SGCZ: variants seen among roughly 807,000 people sequenced by gnomAD.
The protein encoded by SGCZ is sarcoglycan zeta.
A neutral mutation model predicts 41.3 loss-of-function variants in SGCZ; 40 were observed. The observed-to-expected ratio is 0.97, with a 90% CI of 0.75 to 1.26. The LOEUF (loss-of-function observed/expected upper bound fraction) is 1.26, where lower values mean the gene tolerates loss of function less well. Among genes scored for constraint, SGCZ ranks in the 50% most tolerant of loss-of-function variants. The probability of loss-of-function intolerance (pLI) is 0.00; values close to 1 mark genes in which losing one functional copy is unlikely to be tolerated. For missense variants in SGCZ, 552 were observed against 369.8 expected, an observed-to-expected ratio of 1.49 and a Z score of -4.04; for synonymous variants, 206 against 137.5, an observed-to-expected ratio of 1.50 and a Z score of -3.49.
chr8:14,905,496 C>G (rs1273730283), intron 1 of SGCZ, among the ~76,000 whole-genome samples: 1 of 151,970 alleles, frequency 6.6e-6, no homozygotes, highest in African/African-American at 2.4e-5. Context: ...CTTGGAGAGC[C>G]AATGTGGACC....
intron 1 of SGCZ, among the ~76,000 whole-genome samples, chr8:14,754,402 C>T (rs556585318): frequency 2.0e-5 from 3 of 152,092 alleles, no homozygotes; most frequent in Non-Finnish European, 4.4e-5. Flanking sequence ...TCTAACATGC[C>T]ATATAATAAG....
intron 4 of SGCZ, among the ~76,000 whole-genome samples, chr8:14,181,627 G>A (rs974710287): frequency 7.2e-5 from 11 of 152,200 alleles, no homozygotes; most frequent in African/African-American, 2.7e-4. Flanking sequence ...CCCCAATACT[G>A]TTCTCATGGT....
chr8:15,020,123 G>A (rs1803196371), intron 1 of SGCZ, among the ~76,000 whole-genome samples: 1 of 151,890 alleles, frequency 6.6e-6, no homozygotes, highest in African/African-American at 2.4e-5. Context: ...AAACTAGATT[G>A]GGAGTCACCA....
intron 1 of SGCZ, among the ~76,000 whole-genome samples, chr8:14,846,897 A>C (rs113664110): frequency 0.013 from 2,003 of 151,580 alleles, 28 homozygotes; most frequent in African/African-American, 0.031. Flanking sequence ...CGGTGAAACG[A>C]CATCTCTACT....
At chr8:14,552,320 A>T (rs1401021193) in intron 2 of SGCZ, among the ~76,000 whole-genome samples, 1 of 152,092 alleles carries the variant, frequency 6.6e-6, no homozygotes, top group Non-Finnish European at 1.5e-5. Context: ...CTGAACAACT[A>T]TAAGTGACTA....
chr8:15,171,875 T>C (rs1799840234), intron 1 of SGCZ, among the ~76,000 whole-genome samples: 1 of 152,164 alleles, frequency 6.6e-6, no homozygotes, highest in Admixed American at 6.5e-5. Flanking sequence ...AAACGAGCTG[T>C]CTTCACCTAA....
At chr8:14,163,561 G>A (rs1458096646) in intron 5 of SGCZ, among the ~76,000 whole-genome samples, 3 of 152,054 alleles carry the variant, frequency 2.0e-5, no homozygotes, top group Admixed American at 6.6e-5. Context: ...ATTATGTACT[G>A]AGCACATTCT....
intron 4 of SGCZ, among the ~76,000 whole-genome samples, chr8:14,191,824 C>T (rs1563177210): frequency 6.6e-6 from 1 of 152,086 alleles, no homozygotes. Context: ...AGTTCATGTG[C>T]TTCTTTCTAT....
intron 1 of SGCZ, among the ~76,000 whole-genome samples, chr8:14,772,449 T>G (rs1342276170): frequency 6.6e-6 from 1 of 151,992 alleles, no homozygotes; most frequent in Non-Finnish European, 1.5e-5. Context: ...TTATTATACT[T>G]TAAGTTTTAG....
In SGCZ at chr8:14,257,271, C is replaced by T. The variant is rs921875339; in HGVS notation, c.337-19592G>A. On this transcript the variant is annotated intron_variant, in intron 3 of 7. Coordinates refer to ENST00000382080, the MANE Select transcript of SGCZ (RefSeq NM_139167.4). ...GCTTGATCCCAGGAGGTTGAGGCTG[C>T]AGTGAACCGTGATTGTGCCACTCAC... Among the ~76,000 whole-genome samples the T allele has an allele frequency of 3.8e-4, 57 of 151,816 alleles. 1 individual carries two copies. The highest frequency in any genetic ancestry group is 1.3e-3 in the African/African-American group (55 of 41,408).
At position 14,652,354 on chromosome 8, in the gene SGCZ, G is replaced by A. The variant is rs1202840643; in HGVS notation, c.40-97428C>T. 2.9e-5 allele frequency among the ~76,000 whole-genome samples: 2 copies of A among 68,508 alleles called. 1 individual carries two copies. The highest frequency in any genetic ancestry group is 9.8e-4 in the East Asian group (2 of 2,050). The allele number at this position is 68,508 out of a possible 152,430, so 44.9% of individuals were successfully genotyped here. On this transcript the variant is annotated intron_variant, in intron 1 of 7. Coordinates refer to ENST00000382080, the MANE Select transcript of SGCZ (RefSeq NM_139167.4). ...AGACTCAAAAAAAAAAAAGGGGGGG[G>A]TGTGGGGGGGAGAAAACACTGAAAT...
intron 1 of SGCZ, among the ~76,000 whole-genome samples, chr8:15,159,230 G>A (rs367626069): frequency 7.2e-5 from 11 of 152,148 alleles, no homozygotes; most frequent in African/African-American, 2.2e-4. Context: ...GTAGGTTCCC[G>A]AAGGGTGGTC....
chr8:14,547,408 T>A (rs922298718), intron 2 of SGCZ, among the ~76,000 whole-genome samples: 2 of 152,132 alleles, frequency 1.3e-5, no homozygotes, highest in Admixed American at 1.3e-4. Context: ...CTGTTCCTCT[T>A]AGAAGTTTAT....
intron 1 of SGCZ, among the ~76,000 whole-genome samples, chr8:15,016,357 G>A (rs1803031639): frequency 1.3e-5 from 2 of 152,188 alleles, no homozygotes; most frequent in South Asian, 2.1e-4. Flanking sequence ...TAAGCCACAT[G>A]GCCATCTGAT....
At chr8:14,317,582 A>T (rs926124547) in intron 3 of SGCZ, among the ~76,000 whole-genome samples, 2 of 152,020 alleles carry the variant, frequency 1.3e-5, no homozygotes, top group African/African-American at 4.8e-5. Context: ...ATAAACTTAG[A>T]CAATAAAAAC....
intron 4 of SGCZ, among the ~76,000 whole-genome samples, chr8:14,215,025 C>T (rs114142004): frequency 2.0e-5 from 3 of 152,094 alleles, no homozygotes; most frequent in South Asian, 2.1e-4. Context: ...GGACCTCATT[C>T]GCACATATAG....
chr8:14,361,428 T>G (rs1803508028), intron 2 of SGCZ, among the ~76,000 whole-genome samples: 2 of 152,196 alleles, frequency 1.3e-5, no homozygotes, highest in Admixed American at 1.3e-4. Context: ...TTTCATTAAT[T>G]TGCTCTTCAA....
At chr8:14,644,641 A>G (rs1807146762) in intron 1 of SGCZ, among the ~76,000 whole-genome samples, 1 of 151,674 alleles carries the variant, frequency 6.6e-6, no homozygotes, top group Non-Finnish European at 1.5e-5. Flanking sequence ...ATTTGGGGGA[A>G]TGTGTTCTTT....
At chr8:14,800,901 A>G (rs1196570219) in intron 1 of SGCZ, among the ~76,000 whole-genome samples, 1 of 110,850 alleles carries the variant, frequency 9.0e-6, no homozygotes, top group Non-Finnish European at 1.9e-5. Flanking sequence ...GCAAACAAAA[A>G]ACATCAGAAA....
Sources: allele counts gnomAD v4.1 joint callset (sites outside exome capture counted in the v4.1 genomes callset), GRCh38; gene constraint gnomAD v4.1.1; transcripts MANE v1.5; gene names NCBI Gene and HGNC (gene_info 2026-07-23, HGNC 2026-07-21).